Variants in WDR33 observed in about 807,000 individuals in gnomAD.
WDR33 encodes the protein WD repeat domain 33.
WDR33 carries 47 observed loss-of-function variants against 164.9 expected under a neutral mutation model. That is an observed-to-expected ratio of 0.29 (90% CI 0.23 to 0.36). The LOEUF (loss-of-function observed/expected upper bound fraction) is 0.36. Among genes scored for constraint, WDR33 ranks in the 10% least tolerant of loss-of-function variants. The pLI, the probability that WDR33 is intolerant of heterozygous loss-of-function variation, is 1.00. For synonymous variants in WDR33, 505 were observed against 589.0 expected, an observed-to-expected ratio of 0.86 and a Z score of 2.06; for missense variants, 1,137 against 1,754.1, an observed-to-expected ratio of 0.65 and a Z score of 6.28.
intron 1 of WDR33, among the ~76,000 whole-genome samples, chr2:127,799,338 A>G (rs1001432646): frequency 6.6e-6 from 1 of 152,100 alleles, no homozygotes; most frequent in African/African-American, 2.4e-5. Flanking sequence ...AAAAAAAGTT[A>G]AAAAAAGGAA....
chr2:127,720,121 A>C lies in WDR33; in HGVS notation c.1904T>G (p.Met635Arg), dbSNP rs1352660575. ...QFRPPGPQGQ[M>R]GPQGPPLHQG... The stretch of plus-strand genomic sequence containing the variant: ...ATGCAGTGGAGGACCTTGTGGTCCC[A>C]TTTGTCCCTGGGGTCCAGGAGGCCT... Residue 635 changes from methionine to arginine, a missense_variant, in exon 16 of 22, where the codon ATG becomes AGG. By Grantham distance (91) the Met-to-Arg change is moderately conservative (BLOSUM62 -1). Around this residue, in one of 9 missense-constraint regions of WDR33, gnomAD observed 867 missense variants for 1,073.0 expected, o/e 0.81. Coordinates refer to ENST00000322313, the MANE Select transcript of WDR33 (RefSeq NM_018383.5). The surrounding 1 kb of genome is among the most constrained non-coding windows in gnomAD (Gnocchi z 5.9). The C allele has an allele frequency of 6.2e-7, 1 of 1,613,930 alleles. No individual in the cohort carries two copies. Among genetic ancestry groups the C allele is most frequent in the African/African-American group, 1.3e-5 (1 of 74,886 alleles).
chr2:127,738,119 C>T lies in WDR33; in HGVS notation c.725-11342G>A, dbSNP rs1558930901. The T allele has an allele frequency of 2.8e-6, 4 of 1,448,820 alleles. No homozygotes were observed. Among genetic ancestry groups the T allele is most frequent in the Non-Finnish European group, 2.8e-6 (3 of 1,079,656 alleles). 89.7% of individuals were successfully genotyped at this position (1,448,820 alleles called of 1,614,324 possible). ...TGCAGGCAGGTATCTATCACATGAG[C>T]CCTGGCAGATTGTGTAATTTCCAGA... On this transcript the variant is annotated intron_variant, in intron 7 of 21. Coordinates refer to ENST00000322313, the MANE Select transcript of WDR33 (RefSeq NM_018383.5). The surrounding 1 kb of genome is among the most constrained non-coding windows in gnomAD (Gnocchi z 4.4).
At chr2:127,776,875 G>T (rs1688200847) in intron 1 of WDR33, among the ~76,000 whole-genome samples, 1 of 152,150 alleles carries the variant, frequency 6.6e-6, no homozygotes, top group African/African-American at 2.4e-5. Context: ...CTAGATTTAT[G>T]ACCAAACACA....
In WDR33 at chr2:127,723,737, G is replaced by A. The variant is rs1686495561; in HGVS notation, c.1197-390C>T. Among the ~76,000 whole-genome samples, 1 of 151,648 alleles carries A rather than the reference G, an allele frequency of 6.6e-6. No homozygotes were observed. Among genetic ancestry groups the A allele is most frequent in the Non-Finnish European group, 1.5e-5 (1 of 67,954 alleles). On this transcript the variant is annotated intron_variant, in intron 11 of 21. Coordinates refer to ENST00000322313, the MANE Select transcript of WDR33 (RefSeq NM_018383.5). The surrounding 1 kb of genome is among the most constrained non-coding windows in gnomAD (Gnocchi z 5.9). ...GATCTCACCACAGAACTCTAGTCTC[G>A]GTGACAGAGTGAGACTCTGTCTCTT...
At chr2:127,707,246 GA>G (rs1003306994) in intron 21 of WDR33, among the ~76,000 whole-genome samples, 1 of 131,624 alleles carries the variant, frequency 7.6e-6, no homozygotes, top group African/African-American at 2.8e-5. Context: ...AAAAAAAAAA[GA>G]AAAAAAAGAA....
At chr2:127,780,159 G>C (rs13020117) in intron 1 of WDR33, among the ~76,000 whole-genome samples, 1 of 152,032 alleles carries the variant, frequency 6.6e-6, no homozygotes, top group African/African-American at 2.4e-5. Flanking sequence ...ACTTTTAGTA[G>C]AGACGGGGTT....
intron 4 of WDR33, among the ~76,000 whole-genome samples, chr2:127,766,090 A>C (rs1687812642): frequency 6.6e-6 from 1 of 152,186 alleles, no homozygotes; most frequent in Non-Finnish European, 1.5e-5. Context: ...TTTTGATGTC[A>C]CAATTTGCAT....
At chr2:127,796,027 T>C (rs746964072) in intron 1 of WDR33, among the ~76,000 whole-genome samples, 59 of 151,936 alleles carry the variant, frequency 3.9e-4, no homozygotes, top group Middle Eastern at 3.4e-3. Context: ...TTTACCTAGG[T>C]AAATTAGGTA....
chr2:127,805,067 T>A (rs1442673200), intron 1 of WDR33, among the ~76,000 whole-genome samples: 2 of 143,282 alleles, frequency 1.4e-5, no homozygotes, highest in Middle Eastern at 3.6e-3. Context: ...TGAAGTTTTT[T>A]CTTTTTTTTT....
At chr2:127,781,518 T>C (rs192635181) in intron 1 of WDR33, among the ~76,000 whole-genome samples, 1 of 152,318 alleles carries the variant, frequency 6.6e-6, no homozygotes, top group Admixed American at 6.5e-5. Context: ...AATGCTCTGC[T>C]TGTGACAATG....
intron 7 of WDR33, among the ~76,000 whole-genome samples, chr2:127,752,077 T>C (rs1687382273): frequency 6.6e-6 from 1 of 152,188 alleles, no homozygotes; most frequent in South Asian, 2.1e-4. Context: ...GCAACAAAAA[T>C]ATATGTATAG....
At chr2:127,782,250 T>C (rs1381871207) in intron 1 of WDR33, among the ~76,000 whole-genome samples, 1 of 151,304 alleles carries the variant, frequency 6.6e-6, no homozygotes, top group Non-Finnish European at 1.5e-5. Flanking sequence ...CTACTAAAAA[T>C]ACAAAAAATT....
At position 127,709,917 on chromosome 2, in the gene WDR33, G is replaced by A; in HGVS notation, c.3309-61C>T. The A allele has an allele frequency of 6.4e-7, 1 of 1,564,704 alleles. No homozygotes were observed. Among genetic ancestry groups the A allele is most frequent in the Non-Finnish European group, 8.7e-7 (1 of 1,153,926 alleles). On this transcript the variant is annotated intron_variant, in intron 18 of 21. Transcript: ENST00000322313. The surrounding 1 kb of genome is among the most constrained non-coding windows in gnomAD (Gnocchi z 5.0). ...GAACACCTTGCCACTCTAAGTTCAT[G>A]TTTCAAAGAAGCATATGATATGAGA...
At chr2:127,773,916 C>A (rs1205344569) in intron 1 of WDR33, among the ~76,000 whole-genome samples, 1 of 151,906 alleles carries the variant, frequency 6.6e-6, no homozygotes, top group African/African-American at 2.4e-5. Flanking sequence ...AGGTGCATGC[C>A]ACCATGCCCA....
chr2:127,719,920 T>C lies in WDR33; in HGVS notation c.2105A>G (p.Gln702Arg). The C allele has an allele frequency of 6.2e-7, 1 of 1,613,866 alleles. No individual in the cohort carries two copies. The highest frequency in any genetic ancestry group is 8.5e-7 in the Non-Finnish European group (1 of 1,179,946). ...PPGPQGSSGP[Q>R]GHMGPQGPPG... ...TGGACCCTGAGGACCCATATGACCT[T>C]GAGGACCAGAACTACCTTGTGGTCC... Residue 702 changes from glutamine to arginine, a missense_variant, in exon 16 of 22, where the codon CAA becomes CGA. Physicochemically the swap from Gln to Arg is conservative, Grantham distance 43. Coordinates refer to ENST00000322313, the MANE Select transcript of WDR33 (RefSeq NM_018383.5). The surrounding 1 kb of genome is among the most constrained non-coding windows in gnomAD (Gnocchi z 6.5).
In WDR33 at chr2:127,767,639, C is replaced by T. The variant is rs151094001; in HGVS notation, c.378+550G>A. Among the ~76,000 whole-genome samples, 268 of 152,088 alleles carry T rather than the reference C, an allele frequency of 1.8e-3. 9 individuals are homozygous for T. The East Asian group carries it at 0.045, about 26-fold the overall frequency. On this transcript the variant is annotated intron_variant, in intron 4 of 21. Transcript: ENST00000322313. ...CTGAGGCAGGAGAATGGCGTGAACC[C>T]GGGGGGCGGAGCTTGCAGTGAGCCG... is the stretch of plus-strand genomic sequence containing the variant.
rs1686927002 is a variant in WDR33 at position 127,738,778 on chromosome 2, T to C, written c.725-12001A>G. On this transcript the variant is annotated intron_variant, in intron 7 of 21. Coordinates refer to ENST00000322313, the MANE Select transcript of WDR33 (RefSeq NM_018383.5). This position sits in a 1 kb window ranked among gnomAD's most constrained non-coding sequence, Gnocchi z 4.4. Reference sequence around the variant, plus strand: ...CAACACACTAGCTGCAAGAAGAGAGTGGGGCTACTCAGGGCACACTGCCTA... The same window carrying C: ...CAACACACTAGCTGCAAGAAGAGAGCGGGGCTACTCAGGGCACACTGCCTA... Among the ~76,000 whole-genome samples the C allele has an allele frequency of 6.6e-6, 1 of 151,986 alleles. No individual in the cohort carries two copies. The highest frequency in any genetic ancestry group is 2.1e-4 in the South Asian group (1 of 4,818).
At chr2:127,791,984 G>C (rs1318125979) in intron 1 of WDR33, among the ~76,000 whole-genome samples, 1 of 151,670 alleles carries the variant, frequency 6.6e-6, no homozygotes, top group Admixed American at 6.6e-5. Context: ...TGTCACCCAG[G>C]CTGGAGTGCA....
chr2:127,799,422 G>A (rs1480657465), intron 1 of WDR33, among the ~76,000 whole-genome samples: 1 of 152,078 alleles, frequency 6.6e-6, no homozygotes, highest in Non-Finnish European at 1.5e-5. Context: ...AATACACGAA[G>A]AACTCTTAAA....
Sources: allele counts gnomAD v4.1 joint callset (sites outside exome capture counted in the v4.1 genomes callset), GRCh38; gene constraint gnomAD v4.1.1; regional missense constraint gnomAD v4.1.1; non-coding constraint Gnocchi (gnomAD v3.1); transcripts MANE v1.5; gene names NCBI Gene and HGNC (gene_info 2026-07-23, HGNC 2026-07-21).